SLC17A1: variants seen among roughly 807,000 people sequenced by gnomAD.
SLC17A1 encodes the protein solute carrier family 17 member 1, also known as sodium-dependent phosphate transport protein 1.
In SLC17A1, 51 loss-of-function variants were observed where a neutral mutation model predicts 53.5. The ratio of observed to expected loss-of-function variants is 0.95; its 90% CI spans 0.76 to 1.20. The LOEUF is 1.20. SLC17A1 is among the 50% of genes most tolerant of loss of function. SLC17A1 has a pLI of 0.00. For synonymous variants in SLC17A1, 179 were observed against 198.8 expected (o/e 0.90, Z 0.84); for missense variants, 538 against 568.2 (o/e 0.95, Z 0.54).
intron 12 of SLC17A1, among the ~76,000 whole-genome samples, chr6:25,791,877 G>A (rs1047946975): frequency 3.3e-5 from 5 of 152,202 alleles, no homozygotes; most frequent in African/African-American, 4.8e-5. Flanking sequence ...CAAAGGTGGC[G>A]GGAACATTTC....
the SLC17A1 span, among the ~76,000 whole-genome samples, chr6:25,730,975 G>GA: frequency 1.3e-5 from 2 of 152,278 alleles, no homozygotes. Flanking sequence ...GACTATTAGG[G>GA]AAAAAATACA....
the SLC17A1 span, among the ~76,000 whole-genome samples, chr6:25,753,385 C>T: frequency 6.6e-6 from 1 of 152,108 alleles, no homozygotes; most frequent in African/African-American, 2.4e-5. Context: ...CTCCTAGGTT[C>T]TCTGGGAAGG....
At chr6:25,748,572 G>A in the SLC17A1 span, among the ~76,000 whole-genome samples, 3 of 152,140 alleles carry the variant, frequency 2.0e-5, no homozygotes, top group African/African-American at 7.2e-5. Flanking sequence ...CACAGACAAA[G>A]TATAGAGAAA....
chr6:25,802,215 T>A (rs1763800696), intron 10 of SLC17A1, among the ~76,000 whole-genome samples: 1 of 152,208 alleles, frequency 6.6e-6, no homozygotes. Flanking sequence ...CCTACGAGTT[T>A]GTTTTTTATC....
chr6:25,775,462 G>A, the SLC17A1 span, among the ~76,000 whole-genome samples: 13 of 151,322 alleles, frequency 8.6e-5, no homozygotes, highest in Admixed American at 8.6e-4. Context: ...TTGAGACAAC[G>A]TCTCACTGTG....
At chr6:25,747,586 A>T in the SLC17A1 span, among the ~76,000 whole-genome samples, 1 of 152,228 alleles carries the variant, frequency 6.6e-6, no homozygotes, top group African/African-American at 2.4e-5. Flanking sequence ...CCTCAGATTC[A>T]TATGTTAAAA....
the SLC17A1 span, chr6:25,731,874 G>C: frequency 1.9e-6 from 3 of 1,603,060 alleles, no homozygotes; most frequent in Non-Finnish European, 2.6e-6. Flanking sequence ...GCGCACGGCC[G>C]TCTGGATCTC....
At chr6:25,759,038 T>C in the SLC17A1 span, among the ~76,000 whole-genome samples, 1 of 152,360 alleles carries the variant, frequency 6.6e-6, no homozygotes, top group East Asian at 1.9e-4. Context: ...AATTTTCATC[T>C]TGATTTCATT....
chr6:25,725,999 G>A, the SLC17A1 span: 173 of 794,040 alleles, frequency 2.2e-4, 1 homozygote, highest in African/African-American at 3.4e-5. Flanking sequence ...ATTTGTGACA[G>A]GCAAGTAAGA....
the SLC17A1 span, chr6:25,770,418 T>C: frequency 8.1e-6 from 13 of 1,613,928 alleles, no homozygotes; most frequent in Non-Finnish European, 9.3e-6. Flanking sequence ...TCAATTTGGG[T>C]CAAATGGGCT....
At chr6:25,814,740 T>C (rs560189727) in intron 6 of SLC17A1, among the ~76,000 whole-genome samples, 2 of 152,300 alleles carry the variant, frequency 1.3e-5, no homozygotes, top group East Asian at 3.9e-4. Context: ...TCCCAGCACT[T>C]TGGAAGGCCG....
At chr6:25,751,004 C>G in the SLC17A1 span, among the ~76,000 whole-genome samples, 138,053 of 152,142 alleles carry the variant, frequency 0.91, 63,633 homozygotes, top group Non-Finnish European at 0.98. Flanking sequence ...ATCACATATG[C>G]GGAGATAGGA....
At chr6:25,728,693 A>C in the SLC17A1 span, among the ~76,000 whole-genome samples, 6 of 152,136 alleles carry the variant, frequency 3.9e-5, no homozygotes, top group African/African-American at 1.4e-4. Context: ...ACGTTCCTGT[A>C]ATTGCAGCTA....
At chr6:25,770,515 GA>G in the SLC17A1 span, 1 of 1,574,772 alleles carries the variant, frequency 6.4e-7, no homozygotes, top group Admixed American at 1.7e-5. Flanking sequence ...CTGTCCAGGA[GA>G]ACTCAGCAAA....
At chr6:25,790,431 T>C (rs1390103776) in intron 12 of SLC17A1, among the ~76,000 whole-genome samples, 1 of 152,206 alleles carries the variant, frequency 6.6e-6, no homozygotes, top group African/African-American at 2.4e-5. Context: ...TTGCATTTTC[T>C]ATTTTATTTT....
intron 12 of SLC17A1, 197 bp downstream of exon 12, chr6:25,798,586 A>C (rs1311254071): frequency 2.4e-6 from 1 of 423,648 alleles, no homozygotes; most frequent in African/African-American, 2.0e-5. Context: ...CAGCCTCCCA[A>C]ATTTATATCT....
At chr6:25,784,941 G>A (rs1763348608) in intron 12 of SLC17A1, among the ~76,000 whole-genome samples, 1 of 151,996 alleles carries the variant, frequency 6.6e-6, no homozygotes, top group East Asian at 1.9e-4. Context: ...ATAAATAAAA[G>A]GAAACTAGAT....
At chr6:25,762,054 G>C in the SLC17A1 span, 1 of 1,612,120 alleles carries the variant, frequency 6.2e-7, no homozygotes, top group Non-Finnish European at 8.5e-7. Context: ...TCCAGGAAAG[G>C]TAAAATCATG....
chr6:25,729,266 A>C, the SLC17A1 span, among the ~76,000 whole-genome samples: 1 of 152,248 alleles, frequency 6.6e-6, no homozygotes, highest in Non-Finnish European at 1.5e-5. Context: ...GAGATAAGTA[A>C]TGCAACCAAA....
Sources: allele counts gnomAD v4.1 joint callset (sites outside exome capture counted in the v4.1 genomes callset), GRCh38; gene constraint gnomAD v4.1.1; transcripts MANE v1.5; gene names NCBI Gene and HGNC (gene_info 2026-07-23, HGNC 2026-07-21).